Variants in ZNF248 observed in about 807,000 individuals in gnomAD.
The protein encoded by ZNF248 is KRAB protein domain.
In ZNF248, 20 loss-of-function variants were observed where a neutral mutation model predicts 44.3. The observed-to-expected ratio is 0.45, with a 90% confidence interval of 0.32 to 0.66. The LOEUF (loss-of-function observed/expected upper bound fraction) is 0.66, where lower values mean the gene tolerates loss of function less well. Among genes scored for constraint, ZNF248 ranks in the 30% least tolerant of loss-of-function variants. ZNF248 has a pLI of 0.04. For missense variants in ZNF248, 654 were observed against 677.0 expected (o/e 0.97, Z 0.38); for synonymous variants, 224 against 229.0 (o/e 0.98, Z 0.20).
intron 6 of ZNF248, among the ~76,000 whole-genome samples, chr10:37,813,599 ATTT>A (rs764714261): frequency 6.6e-6 from 1 of 151,428 alleles, no homozygotes; most frequent in Admixed American, 6.6e-5. Flanking sequence ...CTTCCTTACG[ATTT>A]TTTTTTCTTT....
chr10:37,788,530 A>G (rs530097528), intron 6 of ZNF248, among the ~76,000 whole-genome samples: 1 of 152,278 alleles, frequency 6.6e-6, no homozygotes, highest in Admixed American at 6.5e-5. Flanking sequence ...CTGAGGCAGG[A>G]GAATCACTTA....
At chr10:37,843,270 C>A (rs940413284) in intron 3 of ZNF248, among the ~76,000 whole-genome samples, 1 of 151,698 alleles carries the variant, frequency 6.6e-6, no homozygotes, top group Non-Finnish European at 1.5e-5. Flanking sequence ...AAAAGAAATA[C>A]AAAAATTAGC....
intron 3 of ZNF248, among the ~76,000 whole-genome samples, chr10:37,842,198 A>T (rs1049579226): frequency 6.6e-6 from 1 of 152,192 alleles, no homozygotes; most frequent in Non-Finnish European, 1.5e-5. Context: ...CCTAAAGCAG[A>T]AAGTTTATAT....
the ZNF248 span, among the ~76,000 whole-genome samples, chr10:37,769,052 C>T: frequency 6.6e-6 from 1 of 152,176 alleles, no homozygotes; most frequent in Non-Finnish European, 1.5e-5. Context: ...GACACATACA[C>T]TCTCCCAAGA....
At chr10:37,803,703 G>A (rs2050119991) in intron 6 of ZNF248, 1 of 152,368 alleles carries the variant, frequency 6.6e-6, no homozygotes, top group Non-Finnish European at 1.5e-5. Context: ...CTGGGACAAG[G>A]GGACAAAGTA....
At chr10:37,841,463 A>G (rs1185423703) in intron 3 of ZNF248, among the ~76,000 whole-genome samples, 3 of 151,808 alleles carry the variant, frequency 2.0e-5, no homozygotes, top group Non-Finnish European at 4.4e-5. Context: ...AAAAAAAAAA[A>G]GGTAGTGTTG....
chr10:37,774,420 C>G (rs879224760), downstream of ZNF248, among the ~76,000 whole-genome samples: 1 of 152,194 alleles, frequency 6.6e-6, no homozygotes, highest in Admixed American at 6.5e-5. Context: ...TTTTGTGTTT[C>G]AGCTCTCGAG....
Position 37,855,850 on chromosome 10 carries a change from G to A in ZNF248, c.15+446C>T, listed in dbSNP as rs537029549. Among the ~76,000 whole-genome samples, 15 of 152,318 alleles carry A rather than the reference G, an allele frequency of 9.8e-5. No homozygotes were observed. The East Asian group carries it at 1.2e-3, about 12-fold the overall frequency. ...AGTGATTCAACCTAGAAATAAGAAC[G>A]AGCTGACACAAACAGTTAGGGAAAA... On this transcript the variant is annotated intron_variant, in intron 3 of 5. Coordinates refer to ENST00000395867, the MANE Select transcript of ZNF248 (RefSeq NM_021045.3).
Position 37,856,336 on chromosome 10 carries a change from A to G in ZNF248, c.-26T>C. On this transcript the variant is annotated splice_region_variant and 5_prime_UTR_variant, in exon 3 of 6. Transcript: ENST00000395867. ...TTTCCGCTCTTAGTGGAGGAAGGAG[A>G]GCTGAAGGATTAGAAAGGAAGAATG... 3 of 1,613,552 alleles carry G rather than the reference A, an allele frequency of 1.9e-6. No homozygotes were observed. Among genetic ancestry groups the G allele is most frequent in the Non-Finnish European group, 2.5e-6 (3 of 1,179,798 alleles).
At position 37,833,120 on chromosome 10, in the gene ZNF248, G is replaced by C. The variant is rs1362232855; in HGVS notation, c.239-4C>G. On this transcript the variant is annotated splice_polypyrimidine_tract_variant and splice_region_variant and intron_variant, in intron 5 of 5. Transcript: ENST00000395867. ...TCATCAACTTTCCATTTCCTTTCTA[G>C]AAATGAGAAAAATAACCACATCTTA... 4 of 1,569,824 alleles carry C rather than the reference G, an allele frequency of 2.5e-6. No homozygotes were observed. Among genetic ancestry groups the C allele is most frequent in the Non-Finnish European group, 3.4e-6 (4 of 1,164,552 alleles).
At chr10:37,784,183 G>C (rs771368638) in intron 6 of ZNF248, 1 of 152,280 alleles carries the variant, frequency 6.6e-6, no homozygotes, top group Non-Finnish European at 1.5e-5. Flanking sequence ...TAGAACTTTG[G>C]AATGTTTAGA....
chr10:37,768,262 T>C, the ZNF248 span, among the ~76,000 whole-genome samples: 2 of 152,204 alleles, frequency 1.3e-5, no homozygotes, highest in Non-Finnish European at 2.9e-5. Context: ...AACTCAGCTC[T>C]GCACCAAGCA....
chr10:37,814,781 T>C (rs1243781214), intron 6 of ZNF248, among the ~76,000 whole-genome samples: 3 of 152,246 alleles, frequency 2.0e-5, no homozygotes, highest in Non-Finnish European at 4.4e-5. Context: ...TGTATGTATG[T>C]ATGTTATGTA....
chr10:37,763,392 C>A, the ZNF248 span, among the ~76,000 whole-genome samples: 1 of 152,200 alleles, frequency 6.6e-6, no homozygotes, highest in African/African-American at 2.4e-5. Flanking sequence ...CCTAAGCAAA[C>A]CTTTTGGTGG....
At chr10:37,851,753 A>C in intron 3 of ZNF248, among the ~76,000 whole-genome samples, 1 of 85,358 alleles carries the variant, frequency 1.2e-5, no homozygotes, top group East Asian at 4.7e-4. Flanking sequence ...ATCACTATAT[A>C]CCCATCAGAA....
chr10:37,782,097 G>A (rs544604371), intron 6 of ZNF248, among the ~76,000 whole-genome samples: 1 of 152,176 alleles, frequency 6.6e-6, no homozygotes, highest in Admixed American at 6.6e-5. Context: ...CAGTTTCAAA[G>A]GCTGGAACAG....
At chr10:37,826,625 A>T (rs992068932), downstream of ZNF248, among the ~76,000 whole-genome samples, 2 of 152,222 alleles carry the variant, frequency 1.3e-5, no homozygotes, top group Admixed American at 6.5e-5. Context: ...ACAAATCACC[A>T]AATCATCTGA....
At chr10:37,771,808 G>A (rs533756006), downstream of ZNF248, among the ~76,000 whole-genome samples, 8 of 152,020 alleles carry the variant, frequency 5.3e-5, no homozygotes, top group Non-Finnish European at 1.0e-4. Flanking sequence ...AACAATCGAT[G>A]CACACCAAGA....
intron 3 of ZNF248, among the ~76,000 whole-genome samples, chr10:37,839,614 A>G (rs1409609283): frequency 6.6e-6 from 1 of 152,156 alleles, no homozygotes; most frequent in Admixed American, 6.5e-5. Context: ...GTTCAAAATC[A>G]TATTAAAGAA....
Sources: allele counts gnomAD v4.1 joint callset (sites outside exome capture counted in the v4.1 genomes callset), GRCh38; gene constraint gnomAD v4.1.1; transcripts MANE v1.5; gene names NCBI Gene and HGNC (gene_info 2026-07-23, HGNC 2026-07-21).